The following MND1 variants were observed in gnomAD, a reference collection of about 807,000 sequenced individuals.
MND1 encodes meiotic nuclear division protein 1 homolog.
A neutral mutation model predicts 35.1 loss-of-function variants in MND1; 28 were observed. The ratio of observed to expected loss-of-function variants is 0.80; its 90% confidence interval spans 0.59 to 1.09. The LOEUF is 1.09. MND1 is among the 50% of genes least tolerant of loss of function. The pLI, the probability that MND1 is intolerant of heterozygous loss-of-function variation, is 0.00. For synonymous variants in MND1, 69 were observed against 70.5 expected, an observed-to-expected ratio of 0.98 and a Z score of 0.11; for missense variants, 213 against 239.6, an observed-to-expected ratio of 0.89 and a Z score of 0.73.
At chr4:153,356,789 T>A (rs944724383) in intron 3 of MND1, among the ~76,000 whole-genome samples, 2 of 151,226 alleles carry the variant, frequency 1.3e-5, no homozygotes, top group African/African-American at 2.5e-5. Flanking sequence ...TATTTTATTT[T>A]ATTTATTTAT....
At chr4:153,358,202 G>T (rs1773393129) in intron 3 of MND1, among the ~76,000 whole-genome samples, 1 of 152,132 alleles carries the variant, frequency 6.6e-6, no homozygotes, top group African/African-American at 2.4e-5. Context: ...TAAGAGTTAG[G>T]ATTAGAACTC....
chr4:153,386,662 G>A (rs2149649039), intron 4 of MND1, among the ~76,000 whole-genome samples: 1 of 152,276 alleles, frequency 6.6e-6, no homozygotes, highest in Admixed American at 6.5e-5. Flanking sequence ...GTTGCAGTGA[G>A]CTGAGATCAC....
chr4:153,407,654 C>A (rs1238857056), intron 6 of MND1, among the ~76,000 whole-genome samples: 1 of 152,144 alleles, frequency 6.6e-6, no homozygotes, highest in Non-Finnish European at 1.5e-5. Flanking sequence ...AAATGTCCAT[C>A]AGCTGATGAA....
rs1222517952 is a variant in MND1 at position 153,356,927 on chromosome 4, A to T, written c.127+1216A>T. On this transcript the variant is annotated intron_variant, in intron 3 of 7. Coordinates refer to ENST00000240488, the MANE Select transcript of MND1 (RefSeq NM_032117.4). ...AACCTCTGTCTCCCGGGTTCAAGCG[A>T]TTCTCCTGCCTCAGCCTCATGAGTA... Among the ~76,000 whole-genome samples the T allele has an allele frequency of 2.0e-5, 3 of 152,044 alleles. No individual in the cohort carries two copies. In the East Asian group the frequency reaches 5.8e-4, roughly 29 times the overall value.
chr4:153,350,582 A>C (rs1773189766), intron 2 of MND1, among the ~76,000 whole-genome samples: 1 of 152,198 alleles, frequency 6.6e-6, no homozygotes, highest in South Asian at 2.1e-4. Context: ...TGTAACACAC[A>C]GTCGATGGTA....
upstream of MND1, chr4:153,344,677 G>A: frequency 1.3e-6 from 2 of 1,496,268 alleles, no homozygotes; most frequent in Non-Finnish European, 1.8e-6. Flanking sequence ...ACGCGTCCTG[G>A]CCTGTCCCGC....
At chr4:153,406,601 C>T (rs2149658860) in intron 6 of MND1, among the ~76,000 whole-genome samples, 1 of 151,952 alleles carries the variant, frequency 6.6e-6, no homozygotes, top group Non-Finnish European at 1.5e-5. Context: ...GTCTAGTATC[C>T]AAAATATATA....
chr4:153,355,765 G>T, intron 3 of MND1, 54 bp downstream of exon 3: 1 of 1,112,436 alleles, frequency 9.0e-7, no homozygotes, highest in South Asian at 1.4e-5. Flanking sequence ...GGATGTTTTG[G>T]GAAATATCTT....
At chr4:153,400,813 G>A (rs763777985) in intron 6 of MND1, among the ~76,000 whole-genome samples, 1 of 152,160 alleles carries the variant, frequency 6.6e-6, no homozygotes, top group East Asian at 1.9e-4. Flanking sequence ...TATCTATAAT[G>A]AGCAGAATAC....
chr4:153,351,027 T>C (rs1404567238), intron 2 of MND1, among the ~76,000 whole-genome samples: 1 of 151,642 alleles, frequency 6.6e-6, no homozygotes. Context: ...TTAAAAGTCA[T>C]TGGCAATTCA....
intron 4 of MND1, among the ~76,000 whole-genome samples, chr4:153,368,056 A>G: frequency 6.6e-6 from 1 of 152,164 alleles, no homozygotes; most frequent in South Asian, 2.1e-4. Context: ...CTTTCCTGCT[A>G]GGAAACAACG....
At chr4:153,360,705 G>T (rs1013271770) in intron 4 of MND1, among the ~76,000 whole-genome samples, 7 of 147,468 alleles carry the variant, frequency 4.7e-5, no homozygotes, top group Non-Finnish European at 7.4e-5. Context: ...AAATATTTTT[G>T]TGTGTGTGTG....
chr4:153,404,235 G>A (rs1192814804), intron 6 of MND1, among the ~76,000 whole-genome samples: 3 of 134,528 alleles, frequency 2.2e-5, no homozygotes, highest in Non-Finnish European at 4.6e-5. Flanking sequence ...AGGCTGGAGT[G>A]CAGTGGCGTG....
In MND1 at chr4:153,365,486, G is replaced by C. The variant is rs59996643; in HGVS notation, c.276+6864G>C. On this transcript the variant is annotated intron_variant, in intron 4 of 7. Coordinates refer to ENST00000240488, the MANE Select transcript of MND1 (RefSeq NM_032117.4). ...AGTTAACAAAGGTTGAAAGCAGGGA[G>C]ATCAGATAGGTTATTGGAATAATCC... 4.4e-3 allele frequency among the ~76,000 whole-genome samples: 668 copies of C among 152,268 alleles called. 5 individuals carry two copies. Among genetic ancestry groups the C allele is most frequent in the African/African-American group, 0.015 (634 of 41,560 alleles).
chr4:153,360,069 G>T (rs1773444062), intron 4 of MND1, among the ~76,000 whole-genome samples: 1 of 152,080 alleles, frequency 6.6e-6, no homozygotes, highest in Non-Finnish European at 1.5e-5. Context: ...TTACAGGCAT[G>T]AGCCACCACA....
At chr4:153,397,544 C>T (rs142801495) in intron 6 of MND1, among the ~76,000 whole-genome samples, 8 of 152,020 alleles carry the variant, frequency 5.3e-5, no homozygotes, top group Non-Finnish European at 1.0e-4. Flanking sequence ...GTGCCGGGCA[C>T]GTTGGCTTAT....
chr4:153,357,244 AC>A (rs1486738768), intron 3 of MND1, among the ~76,000 whole-genome samples: 34 of 152,330 alleles, frequency 2.2e-4, no homozygotes, highest in African/African-American at 8.2e-4. Context: ...AGTCCCTCAC[AC>A]TTTTATGTAC....
intron 4 of MND1, among the ~76,000 whole-genome samples, chr4:153,370,798 C>T (rs536089565): frequency 8.6e-5 from 13 of 152,046 alleles, no homozygotes; most frequent in African/African-American, 1.2e-4. Context: ...GGATTACAGG[C>T]GGGAGCCACC....
chr4:153,380,905 GT>G (rs11426639), intron 4 of MND1, among the ~76,000 whole-genome samples: 26 of 147,402 alleles, frequency 1.8e-4, no homozygotes, highest in Admixed American at 2.0e-4. Context: ...AGACATCAGA[GT>G]TTTTTTTTTT....
Sources: gnomAD v4.1 joint callset for allele counts (sites outside exome capture counted in the v4.1 genomes callset) on GRCh38, gnomAD v4.1.1 for gene constraint, MANE v1.5 for transcripts, NCBI Gene and HGNC (gene_info 2026-07-23, HGNC 2026-07-21) for gene names.